Variants in TCTN1 observed in about 807,000 individuals in gnomAD.
The protein encoded by TCTN1 is tectonic family member 1, also known as tectonic-1.
In TCTN1, 58 loss-of-function variants were observed where a neutral mutation model predicts 65.8. The ratio of observed to expected loss-of-function variants is 0.88; its 90% confidence interval spans 0.71 to 1.10. TCTN1 has a LOEUF of 1.10. Ranked by LOEUF, TCTN1 falls within the 50% of genes least tolerant of loss-of-function variation. The probability of loss-of-function intolerance (pLI) is 0.00; values close to 1 mark genes in which losing one functional copy is unlikely to be tolerated. For missense variants in TCTN1, 645 were observed against 719.4 expected, an observed-to-expected ratio of 0.90 and a Z score of 1.18; for synonymous variants, 273 against 289.1, an observed-to-expected ratio of 0.94 and a Z score of 0.57.
chr12:110,626,309 A>G (rs1368451253), intron 2 of TCTN1, 53 bp from the exon 3 acceptor site: 1 of 1,533,246 alleles, frequency 6.5e-7, no homozygotes, highest in Non-Finnish European at 8.8e-7. Context: ...AATTTTGCTA[A>G]GATTGTGTGC....
At chr12:110,615,326 G>A (rs1271057800) in intron 1 of TCTN1, among the ~76,000 whole-genome samples, 1 of 152,096 alleles carries the variant, frequency 6.6e-6, no homozygotes. Flanking sequence ...CTAAGATTGA[G>A]TGCAAAACTT....
intron 1 of TCTN1, among the ~76,000 whole-genome samples, chr12:110,619,558 C>G (rs1020430320): frequency 2.0e-5 from 3 of 152,080 alleles, no homozygotes; most frequent in African/African-American, 7.2e-5. Flanking sequence ...CTGCAAATGC[C>G]TGGGTTTCAT....
chr12:110,645,148 A>G lies in TCTN1; in HGVS notation c.1494+19A>G. 6.2e-7 allele frequency: 1 copy of G among 1,613,294 alleles called. No individual in the cohort carries two copies. The highest frequency in any genetic ancestry group is 1.1e-5 in the South Asian group (1 of 91,006). On this transcript the variant is annotated intron_variant, in intron 12 of 14. Transcript: ENST00000397659. ...CAGGAAGGTAAAGGGGAGAAGGTAC[A>G]GGTTCCATGCTAGTGGTCTCTGTCT...
chr12:110,623,957 C>T (rs914112851), intron 2 of TCTN1, among the ~76,000 whole-genome samples: 2 of 152,088 alleles, frequency 1.3e-5, no homozygotes, highest in Non-Finnish European at 2.9e-5. Flanking sequence ...GATGAAGCCA[C>T]TTATAATATT....
At chr12:110,648,878 A>G (rs2067621867) in intron 14 of TCTN1, 165 bp from the exon 15 acceptor site, 3 of 386,798 alleles carry the variant, frequency 7.8e-6, no homozygotes, top group Non-Finnish European at 1.5e-5. Context: ...GGCAGAAAAC[A>G]ATGGAGCCAC....
intron 7 of TCTN1, among the ~76,000 whole-genome samples, chr12:110,638,381 G>A (rs1296919158): frequency 6.6e-6 from 1 of 152,236 alleles, no homozygotes; most frequent in East Asian, 1.9e-4. Flanking sequence ...TTAAAAAGCA[G>A]ATTTTAAGGT....
chr12:110,647,361 A>G (rs779258824), intron 13 of TCTN1, 25 bp downstream of exon 13: 1 of 1,613,886 alleles, frequency 6.2e-7, no homozygotes, highest in South Asian at 1.1e-5. Flanking sequence ...GTTTAAAGGC[A>G]TAGGTTAAGA....
chr12:110,620,065 T>G, intron 2 of TCTN1, 109 bp downstream of exon 2: 1 of 1,522,324 alleles, frequency 6.6e-7, no homozygotes, highest in Non-Finnish European at 9.1e-7. Flanking sequence ...TGATTTCCAG[T>G]GTTTTACGTC....
chr12:110,622,084 C>T (rs1294171996), intron 2 of TCTN1, among the ~76,000 whole-genome samples: 1 of 151,646 alleles, frequency 6.6e-6, no homozygotes, highest in Admixed American at 6.6e-5. Context: ...GTTGCAGGAG[C>T]CAAGATCGCA....
chr12:110,618,477 G>T (rs2065200259), intron 1 of TCTN1, among the ~76,000 whole-genome samples: 2 of 152,066 alleles, frequency 1.3e-5, no homozygotes, highest in Non-Finnish European at 1.5e-5. Flanking sequence ...CTGACCTTGT[G>T]ATCCGCCTGC....
chr12:110,633,768 A>G (rs1177574788), intron 5 of TCTN1, among the ~76,000 whole-genome samples: 1 of 152,240 alleles, frequency 6.6e-6, no homozygotes, highest in Non-Finnish European at 1.5e-5. Flanking sequence ...GCTGTGGGGA[A>G]ACAGGCAGTC....
intron 4 of TCTN1, among the ~76,000 whole-genome samples, chr12:110,631,986 C>T (rs2066267960): frequency 6.6e-6 from 1 of 152,056 alleles, no homozygotes; most frequent in Admixed American, 6.6e-5. Context: ...GGCTATAAGC[C>T]TAATAGCTAT....
At chr12:110,628,126 GGA>G in intron 3 of TCTN1, 1 of 1,536,024 alleles carries the variant, frequency 6.5e-7, no homozygotes, top group South Asian at 1.2e-5. Flanking sequence ...ATAGCCATCC[GGA>G]GAGAGCTTCT....
intron 14 of TCTN1, 57 bp downstream of exon 14, chr12:110,647,950 G>A: frequency 1.2e-6 from 2 of 1,608,464 alleles, no homozygotes; most frequent in Non-Finnish European, 1.7e-6. Flanking sequence ...AAGTGTGCAC[G>A]TGGGGCTAGA....
chr12:110,647,089 T>G, intron 12 of TCTN1, 107 bp from the exon 13 acceptor site: 1 of 1,377,252 alleles, frequency 7.3e-7, no homozygotes, highest in Admixed American at 1.8e-5. Flanking sequence ...GTCTATTCAT[T>G]TTCTTGTTCA....
chr12:110,623,165 A>G (rs892536859), intron 2 of TCTN1, among the ~76,000 whole-genome samples: 7 of 152,334 alleles, frequency 4.6e-5, no homozygotes, highest in African/African-American at 1.2e-4. Flanking sequence ...TAGGCTTCTT[A>G]GCCTGGATTC....
intron 1 of TCTN1, among the ~76,000 whole-genome samples, chr12:110,617,824 A>G (rs2065148458): frequency 6.6e-6 from 1 of 151,168 alleles, no homozygotes; most frequent in Non-Finnish European, 1.5e-5. Flanking sequence ...TATTTTCAGT[A>G]GAGACGGGGT....
chr12:110,635,477 G>T (rs2066506239), intron 6 of TCTN1, among the ~76,000 whole-genome samples: 1 of 152,026 alleles, frequency 6.6e-6, no homozygotes. Context: ...AAAACCTTTT[G>T]TGTCATGGTT....
rs1489633666 is a variant in TCTN1 at position 110,645,100 on chromosome 12, C to A, written c.1465C>A (p.His489Asn). ...GGACATGCTGGACTGGGTGCCCATC[C>A]ACTTCATCACCCAGTCATTCAACAG... ...AQDMLDWVPI[H>N]FITQSFNRKH... Residue 489 changes from histidine (H) to asparagine (N), a missense_variant, in exon 12 of 15, where the codon CAC becomes AAC. By Grantham distance (68) the His-to-Asn change is moderately conservative (BLOSUM62 1). Transcript: ENST00000397659. 1 of 1,614,160 alleles carries A rather than the reference C, an allele frequency of 6.2e-7. No individual in the cohort carries two copies. The highest frequency in any genetic ancestry group is 8.5e-7 in the Non-Finnish European group (1 of 1,180,020).
Sources: allele counts gnomAD v4.1 joint callset (sites outside exome capture counted in the v4.1 genomes callset), GRCh38; gene constraint gnomAD v4.1.1; transcripts MANE v1.5; gene names NCBI Gene and HGNC (gene_info 2026-07-23, HGNC 2026-07-21).